The following ARHGEF3 variants were observed in gnomAD, a reference collection of about 807,000 sequenced individuals.
The protein encoded by ARHGEF3 is Rho guanine nucleotide exchange factor 3.
ARHGEF3 carries 28 observed loss-of-function variants against 63.2 expected under a neutral mutation model. The ratio of observed to expected loss-of-function variants is 0.44; its 90% CI spans 0.33 to 0.61. The LOEUF is 0.61. Among genes scored for constraint, ARHGEF3 ranks in the 20% least tolerant of loss-of-function variants. The pLI is 0.03. For missense variants in ARHGEF3, 533 were observed against 659.3 expected (o/e 0.81, Z 2.10); for synonymous variants, 266 against 254.2 (o/e 1.05, Z -0.44).
intron 4 of ARHGEF3, among the ~76,000 whole-genome samples, chr3:56,839,295 G>A (rs2039231667): frequency 1.3e-5 from 2 of 152,062 alleles, no homozygotes; most frequent in African/African-American, 2.4e-5. Flanking sequence ...GAGTATTTGT[G>A]ATGTGTGTGT....
intron 4 of ARHGEF3, among the ~76,000 whole-genome samples, chr3:56,881,235 C>T (rs1156890689): frequency 6.6e-6 from 1 of 152,160 alleles, no homozygotes; most frequent in Admixed American, 6.5e-5. Flanking sequence ...ATAGGTAGAG[C>T]CAGAACCATG....
intron 3 of ARHGEF3, among the ~76,000 whole-genome samples, chr3:56,903,771 T>C (rs2041599199): frequency 6.6e-6 from 1 of 152,170 alleles, no homozygotes. Flanking sequence ...TTTTTTTTAA[T>C]CTCAAGATGC....
chr3:56,854,771 G>GT (rs1320094327), intron 4 of ARHGEF3, among the ~76,000 whole-genome samples: 1 of 139,558 alleles, frequency 7.2e-6, no homozygotes, highest in African/African-American at 2.6e-5. Flanking sequence ...ACCTAGAGGG[G>GT]TGGGGGGGTT....
At chr3:57,033,872 T>G (rs1703838944) in intron 2 of ARHGEF3, among the ~76,000 whole-genome samples, 1 of 151,814 alleles carries the variant, frequency 6.6e-6, no homozygotes, top group South Asian at 2.1e-4. Flanking sequence ...TAGTGAAACT[T>G]CATCTCTACT....
Position 56,729,379 on chromosome 3 carries a change from C to A in ARHGEF3, c.1472G>T (p.Ser491Ile). 6.2e-7 allele frequency: 1 copy of A among 1,614,112 alleles called. No individual in the cohort carries two copies. Among genetic ancestry groups the A allele is most frequent in the Non-Finnish European group, 8.5e-7 (1 of 1,180,006 alleles). ...TKLEQMDQSD[S>I]ESDCSMDTSE... ...CGTGTCCATACTACAGTCTGACTCACTGTCCGATTGGTCCATCTGCTCAAG... is the reference window on the plus strand; with the variant it reads ...CGTGTCCATACTACAGTCTGACTCAATGTCCGATTGGTCCATCTGCTCAAG... Residue 491 changes from serine (S) to isoleucine (I), a missense_variant, in exon 10 of 10, where the codon AGT (serine) becomes ATT (isoleucine). This residue lies in a region of ARHGEF3 where 115 missense variants were observed against 103.4 expected (regional missense o/e 1.11). Coordinates refer to ENST00000296315, the MANE Select transcript of ARHGEF3 (RefSeq NM_019555.3).
intron 1 of ARHGEF3, among the ~76,000 whole-genome samples, chr3:56,790,919 T>C (rs2107916788): frequency 6.6e-6 from 1 of 152,286 alleles, no homozygotes; most frequent in East Asian, 1.9e-4. Context: ...CTTTCTTTTT[T>C]CCTTTTCACA....
At chr3:56,921,777 T>A (rs183421200) in intron 3 of ARHGEF3, among the ~76,000 whole-genome samples, 1 of 152,208 alleles carries the variant, frequency 6.6e-6, no homozygotes, top group East Asian at 1.9e-4. Flanking sequence ...TCAACAAGAT[T>A]ATAAAATGAT....
chr3:57,072,726 CAAAAAAAAA>C, intron 1 of ARHGEF3, among the ~76,000 whole-genome samples: 1 of 112,162 alleles, frequency 8.9e-6, no homozygotes, highest in South Asian at 3.0e-4. Flanking sequence ...GAGACTCTGT[CAAAAAAAAA>C]AAAAAAAAGA....
At chr3:56,967,462 ATAT>A (rs1195033214) in intron 2 of ARHGEF3, among the ~76,000 whole-genome samples, 1 of 63,852 alleles carries the variant, frequency 1.6e-5, no homozygotes, top group African/African-American at 6.6e-5. Flanking sequence ...TACATATTAT[ATAT>A]TATATAATAT....
intron 2 of ARHGEF3, among the ~76,000 whole-genome samples, chr3:56,756,770 C>T (rs951493868): frequency 6.6e-6 from 1 of 152,060 alleles, no homozygotes; most frequent in Non-Finnish European, 1.5e-5. Flanking sequence ...AGGATGCTCT[C>T]GATTTCCTGA....
intron 4 of ARHGEF3, among the ~76,000 whole-genome samples, chr3:56,813,057 G>T (rs1435913356): frequency 1.3e-5 from 2 of 152,238 alleles, no homozygotes; most frequent in African/African-American, 4.8e-5. Context: ...AATGCAATGG[G>T]TAGGTACAAG....
chr3:56,885,749 G>T (rs1560021331), intron 3 of ARHGEF3, among the ~76,000 whole-genome samples: 1 of 152,204 alleles, frequency 6.6e-6, no homozygotes, highest in African/African-American at 2.4e-5. Context: ...GCCATAGACA[G>T]TCAATCTGGG....
intron 4 of ARHGEF3, among the ~76,000 whole-genome samples, chr3:56,854,281 G>A (rs996563581): frequency 6.6e-6 from 1 of 152,124 alleles, no homozygotes; most frequent in Non-Finnish European, 1.5e-5. Context: ...AGACCAGAGG[G>A]TAGAAAGGAC....
chr3:56,929,917 A>G (rs1391390484), intron 3 of ARHGEF3, among the ~76,000 whole-genome samples: 1 of 152,150 alleles, frequency 6.6e-6, no homozygotes, highest in Non-Finnish European at 1.5e-5. Context: ...AAAAAACCTG[A>G]AGCCCCAAAG....
chr3:56,802,545 T>C (rs572386219), upstream of ARHGEF3, among the ~76,000 whole-genome samples: 1 of 152,308 alleles, frequency 6.6e-6, no homozygotes, highest in East Asian at 1.9e-4. Context: ...TATAACCACC[T>C]CCACAGTCGG....
chr3:56,737,442 C>T, intron 7 of ARHGEF3, 87 bp from the exon 8 acceptor site: 1 of 1,037,570 alleles, frequency 9.6e-7, no homozygotes. Flanking sequence ...AGAAGGACAC[C>T]AGGACACACC....
chr3:56,823,082 T>G (rs1368257519), intron 4 of ARHGEF3, among the ~76,000 whole-genome samples: 1 of 152,290 alleles, frequency 6.6e-6, no homozygotes, highest in South Asian at 2.1e-4. Context: ...AGAAGAAATA[T>G]TCCACTTTTC....
At chr3:57,014,430 T>G (rs1443309765) in intron 2 of ARHGEF3, among the ~76,000 whole-genome samples, 1 of 152,176 alleles carries the variant, frequency 6.6e-6, no homozygotes, top group Non-Finnish European at 1.5e-5. Flanking sequence ...GACTCCCATA[T>G]TCCAGAAGAA....
chr3:57,043,365 T>C (rs1198735317), intron 1 of ARHGEF3, among the ~76,000 whole-genome samples: 4 of 152,122 alleles, frequency 2.6e-5, no homozygotes, highest in Non-Finnish European at 5.9e-5. Flanking sequence ...TCCTCCTGCC[T>C]TGGCCTCCCA....
Sources: allele counts gnomAD v4.1 joint callset (sites outside exome capture counted in the v4.1 genomes callset), GRCh38; gene constraint gnomAD v4.1.1; regional missense constraint gnomAD v4.1.1; transcripts MANE v1.5; gene names NCBI Gene and HGNC (gene_info 2026-07-23, HGNC 2026-07-21).